DAZAP1: variants seen among roughly 807,000 people sequenced by gnomAD.
The protein encoded by DAZAP1 is DAZ associated protein 1.
DAZAP1 carries 6 observed loss-of-function variants against 60.1 expected under a neutral mutation model. The observed-to-expected ratio is 0.10, with a 90% CI of 0.05 to 0.20. The LOEUF (loss-of-function observed/expected upper bound fraction) is 0.20. Among genes scored for constraint, DAZAP1 ranks in the 10% least tolerant of loss-of-function variants. The pLI is 1.00. For missense variants in DAZAP1, 366 were observed against 560.4 expected (o/e 0.65, Z 3.50); for synonymous variants, 235 against 215.9 (o/e 1.09, Z -0.78).
chr19:1,420,369 C>T (rs943393613), intron 4 of DAZAP1, among the ~76,000 whole-genome samples: 5 of 150,188 alleles, frequency 3.3e-5, no homozygotes, highest in South Asian at 4.2e-4. Flanking sequence ...TCACCCCACG[C>T]GCACACTCAT....
rs1458115958 is a variant in DAZAP1, at chr19:1,416,395, C to G, written c.30-1105C>G. ...ACCAAGGGTGATGATGGTGCTGGCA[C>G]TGAGTCACAGCTGAGATTCAGCTCA... On this transcript the variant is annotated intron_variant, in intron 1 of 11. Coordinates refer to ENST00000233078, the MANE Select transcript of DAZAP1 (RefSeq NM_018959.4). This position sits in a 1 kb window ranked among gnomAD's most constrained non-coding sequence, Gnocchi z 4.3. 6.6e-6 allele frequency: 1 copy of G among 152,256 alleles called. No individual in the cohort carries two copies. Among genetic ancestry groups the G allele is most frequent in the Non-Finnish European group, 1.5e-5 (1 of 68,072 alleles). The allele number at this position is 152,256 out of a possible 1,614,324, so 9.4% of individuals were successfully genotyped here.
rs1339120684 is a variant in DAZAP1 at position 1,425,389 on chromosome 19, C to T, written c.464-489C>T. ...CATACACACATCCACGGTGCACACC[C>T]CTGACTAAGATGGCGCATTCCACGC... On this transcript the variant is annotated intron_variant, in intron 6 of 11. Transcript: ENST00000233078. The surrounding 1 kb of genome is among the most constrained non-coding windows in gnomAD (Gnocchi z 5.4). Among the ~76,000 whole-genome samples, 4 of 152,224 alleles carry T rather than the reference C, an allele frequency of 2.6e-5. No individual in the cohort carries two copies. Among genetic ancestry groups the T allele is most frequent in the African/African-American group, 9.6e-5 (4 of 41,452 alleles).
At chr19:1,420,739 G>A (rs117383168) in intron 4 of DAZAP1, among the ~76,000 whole-genome samples, 5,822 of 152,306 alleles carry the variant, frequency 0.038, 162 homozygotes, top group Non-Finnish European at 0.061. Flanking sequence ...TCACCTGCTG[G>A]AGATGTACAG....
At position 1,434,373 on chromosome 19, in the gene DAZAP1, G is replaced by A. The variant is rs2083539308; in HGVS notation, c.1049-364G>A. ...TGAAACTCCGAGAGCCAGCTTTCTA[G>A]AAGCCTGGTCCACCGTGCCTTGGGC... On this transcript the variant is annotated intron_variant, in intron 11 of 11. Transcript: ENST00000233078. The surrounding 1 kb of genome is among the most constrained non-coding windows in gnomAD (Gnocchi z 8.0). 1 of 232,842 alleles carries A rather than the reference G, an allele frequency of 4.3e-6. No homozygotes were observed. Among genetic ancestry groups the A allele is most frequent in the Non-Finnish European group, 8.5e-6 (1 of 117,876 alleles). The allele number at this position is 232,842 out of a possible 1,614,324, so 14.4% of individuals were successfully genotyped here.
intron 4 of DAZAP1, among the ~76,000 whole-genome samples, chr19:1,419,390 C>T (rs1412450135): frequency 3.9e-5 from 6 of 152,234 alleles, no homozygotes; most frequent in African/African-American, 7.2e-5. Context: ...GCCAGCCTCT[C>T]CACAGTGTGG....
rs1034292802 is a variant in DAZAP1, at chr19:1,422,906, G to A, written c.463+510G>A. ...CTGAAGTCAGCAGGGCAGGTGGGAG[G>A]AGGGGTGAGGAGTCACCTCAGGGCC... On this transcript the variant is annotated intron_variant, in intron 6 of 11. Transcript: ENST00000233078. The surrounding 1 kb of genome is among the most constrained non-coding windows in gnomAD (Gnocchi z 4.5). 6.6e-6 allele frequency among the ~76,000 whole-genome samples: 1 copy of A among 151,376 alleles called. No individual in the cohort carries two copies. Among genetic ancestry groups the A allele is most frequent in the Non-Finnish European group, 1.5e-5 (1 of 67,962 alleles).
chr19:1,426,212 C>G lies in DAZAP1; in HGVS notation c.546+252C>G. On this transcript the variant is annotated intron_variant, in intron 7 of 11. Coordinates refer to ENST00000233078, the MANE Select transcript of DAZAP1 (RefSeq NM_018959.4). The surrounding 1 kb of genome is among the most constrained non-coding windows in gnomAD (Gnocchi z 5.4). ...TCCCTCTGGGTGACCTGGGACTGGG[C>G]GGGTAGGGGGCTGGGGCTGGGAGGC... 1 of 429,530 alleles carries G rather than the reference C, an allele frequency of 2.3e-6. No homozygotes were observed. Among genetic ancestry groups the G allele is most frequent in the East Asian group, 4.7e-5 (1 of 21,118 alleles). 26.6% of individuals were successfully genotyped at this position (429,530 alleles called of 1,614,324 possible).
At position 1,418,314 on chromosome 19, in the gene DAZAP1, C is replaced by T; in HGVS notation, c.181C>T (p.Pro61Ser). ...CTTTGGGTTTGTCAAATTTAAAGAC[C>T]CAAACTGTGTGGGGACGGTGCTGGC... ...RGFGFVKFKD[P>S]NCVGTVLASR... The change falls in exon 3 of 12, where the codon CCA becomes TCA. Residue 61 changes from proline to serine, a missense_variant. Pro to Ser is a moderately conservative substitution (Grantham distance 74). Around this residue, in one of 3 missense-constraint regions of DAZAP1, gnomAD observed 98 missense variants for 155.3 expected, o/e 0.63. Coordinates refer to ENST00000233078, the MANE Select transcript of DAZAP1 (RefSeq NM_018959.4). This position sits in a 1 kb window ranked among gnomAD's most constrained non-coding sequence, Gnocchi z 5.7. 1 of 1,614,102 alleles carries T rather than the reference C, an allele frequency of 6.2e-7. No homozygotes were observed. Among genetic ancestry groups the T allele is most frequent in the Non-Finnish European group, 8.5e-7 (1 of 1,180,016 alleles).
At chr19:1,429,057 C>A in intron 8 of DAZAP1, 62 bp downstream of exon 8, 1 of 1,487,760 alleles carries the variant, frequency 6.7e-7, no homozygotes, top group Admixed American at 2.4e-5. Flanking sequence ...CCCGCGCGCC[C>A]TGGGCTGTGC....
chr19:1,434,640 A>C lies in DAZAP1; in HGVS notation c.1049-97A>C. The stretch of plus-strand genomic sequence containing the variant: ...CGCACCCCGTGGGACCCGTGGACTC[A>C]AGGCAGGCTCGGCGGAGCTGTGTCC... On this transcript the variant is annotated intron_variant, in intron 11 of 11. Transcript: ENST00000233078. This position sits in a 1 kb window ranked among gnomAD's most constrained non-coding sequence, Gnocchi z 8.0. 1.4e-6 allele frequency: 2 copies of C among 1,379,420 alleles called. No individual in the cohort carries two copies. Among genetic ancestry groups the C allele is most frequent in the Admixed American group, 3.7e-5 (2 of 53,626 alleles). 85.4% of individuals were successfully genotyped at this position (1,379,420 alleles called of 1,614,324 possible). A position where few individuals can be genotyped will look rare whatever the true frequency, so the allele number is the denominator to read the frequency against.
chr19:1,413,806 A>G (rs753151399), intron 1 of DAZAP1, among the ~76,000 whole-genome samples: 6 of 152,340 alleles, frequency 3.9e-5, no homozygotes, highest in Middle Eastern at 6.8e-3. Context: ...ACTTGTTTCA[A>G]AAGAAACTGA....
In DAZAP1 at chr19:1,418,566, C is replaced by T. The variant is rs748307284; in HGVS notation, c.238-100C>T. On this transcript the variant is annotated intron_variant, in intron 3 of 11. Transcript: ENST00000233078. The surrounding 1 kb of genome is among the most constrained non-coding windows in gnomAD (Gnocchi z 5.7). ...GGTGAATGGAGCCGGCGGGGCGGGG[C>T]GGGCCGGGCTGCTGTGCCGTGGCTG... is the stretch of plus-strand genomic sequence containing the variant. 94 of 1,502,804 alleles carry T rather than the reference C, an allele frequency of 6.3e-5. No homozygotes were observed. Among genetic ancestry groups the T allele is most frequent in the Non-Finnish European group, 7.4e-5 (80 of 1,082,742 alleles). The allele number at this position is 1,502,804 out of a possible 1,614,324, so 93.1% of individuals were successfully genotyped here. A position where few individuals can be genotyped will look rare whatever the true frequency, so the allele number is the denominator to read the frequency against.
chr19:1,423,040 T>TCCCCCCCCC lies in DAZAP1; in HGVS notation c.463+647_463+648insCCCCCCCCC, dbSNP rs375524037. ...CCTTTTCCGTGGCTGCTGCTGTCTG[T>TCCCCCCCCC]CCCGCCCGCCCGCATGGTTTTGGTT... On this transcript the variant is annotated intron_variant, in intron 6 of 11. Coordinates refer to ENST00000233078, the MANE Select transcript of DAZAP1 (RefSeq NM_018959.4). This position sits in a 1 kb window ranked among gnomAD's most constrained non-coding sequence, Gnocchi z 6.8. Among the ~76,000 whole-genome samples the TCCCCCCCCC allele has an allele frequency of 6.6e-6, 1 of 150,606 alleles. No homozygotes were observed. Among genetic ancestry groups the TCCCCCCCCC allele is most frequent in the Non-Finnish European group, 1.5e-5 (1 of 67,730 alleles).
chr19:1,414,690 C>T (rs2082922956), intron 1 of DAZAP1, among the ~76,000 whole-genome samples: 4 of 151,666 alleles, frequency 2.6e-5, no homozygotes, highest in Admixed American at 1.3e-4. Flanking sequence ...GAGCTGAGAT[C>T]GCGCCACTAC....
At chr19:1,413,251 C>T (rs1569041335) in intron 1 of DAZAP1, among the ~76,000 whole-genome samples, 1 of 152,214 alleles carries the variant, frequency 6.6e-6, no homozygotes, top group Non-Finnish European at 1.5e-5. Context: ...CCTCTGCCCG[C>T]GCCCGGCTTC....
At chr19:1,417,326 A>G (rs2083015625) in intron 1 of DAZAP1, 174 bp from the exon 2 acceptor site, 1 of 714,350 alleles carries the variant, frequency 1.4e-6, no homozygotes, top group Non-Finnish European at 2.4e-6. Context: ...GTCTGCAGAC[A>G]GCATGGGCGA....
intron 1 of DAZAP1, among the ~76,000 whole-genome samples, chr19:1,410,640 G>A (rs1475859977): frequency 6.6e-6 from 1 of 152,230 alleles, no homozygotes; most frequent in East Asian, 1.9e-4. Context: ...GCCGCTGGGT[G>A]CTAGGCGCCT....
At chr19:1,413,658 C>T (rs570385043) in intron 1 of DAZAP1, among the ~76,000 whole-genome samples, 3 of 152,204 alleles carry the variant, frequency 2.0e-5, no homozygotes, top group East Asian at 1.9e-4. Flanking sequence ...ACAGTGTGGC[C>T]GCGCGCGGTG....
chr19:1,411,002 G>A (rs901323973), intron 1 of DAZAP1, among the ~76,000 whole-genome samples: 2 of 152,232 alleles, frequency 1.3e-5, no homozygotes, highest in Admixed American at 1.3e-4. Flanking sequence ...TTATTGGGTG[G>A]CTGTGGAAGG....
Sources: gnomAD v4.1 joint callset for allele counts (sites outside exome capture counted in the v4.1 genomes callset) on GRCh38, gnomAD v4.1.1 for gene constraint, gnomAD v4.1.1 regional missense constraint, Gnocchi (gnomAD v3.1) non-coding constraint, MANE v1.5 for transcripts, NCBI Gene and HGNC (gene_info 2026-07-23, HGNC 2026-07-21) for gene names.